Variants in FANCA observed in about 807,000 individuals in gnomAD.
The protein encoded by FANCA is FA complementation group A.
Under a neutral mutation model 194.3 loss-of-function variants are expected in FANCA, and 236 were observed. The ratio of observed to expected loss-of-function variants is 1.21; its 90% CI spans 1.09 to 1.35. The LOEUF is 1.35. Ranked by LOEUF, FANCA falls within the 40% of genes most tolerant of loss-of-function variation. The pLI is 0.00. For missense variants in FANCA, 2,628 were observed against 1,813.9 expected (o/e 1.45, Z -8.15); for synonymous variants, 1,014 against 715.8 (o/e 1.42, Z -6.65).
chr16:89,816,596 G>A lies in FANCA; in HGVS notation c.20C>T (p.Pro7Leu), dbSNP rs772712346. 3 of 1,526,802 alleles carry A rather than the reference G, an allele frequency of 2.0e-6. No homozygotes were observed. The highest frequency in any genetic ancestry group is 2.0e-5 in the Admixed American group (1 of 50,916). The allele number at this position is 1,526,802 out of a possible 1,614,324, so 94.6% of individuals were successfully genotyped here. The stretch of plus-strand genomic sequence containing the variant: ...TGGGTCCTGGCCCGAGGCGGAGTTC[G>A]GGACCCACGAGTCGGACATGGCCTT... MSDSWV[P>L]NSASGQDPGG... Residue 7 changes from proline (P) to leucine (L), a missense_variant, in exon 1 of 43, where the codon CCG (proline) becomes CTG (leucine). Pro to Leu is a moderately conservative substitution (Grantham distance 98, BLOSUM62 -3). Transcript: ENST00000389301.
At chr16:89,813,715 G>A (rs927661637) in intron 3 of FANCA, among the ~76,000 whole-genome samples, 1 of 152,162 alleles carries the variant, frequency 6.6e-6, no homozygotes, top group African/African-American at 2.4e-5. Flanking sequence ...TTATAGGCGT[G>A]AGCCACTGTG....
chr16:89,816,577 C>G lies in FANCA; in HGVS notation c.39G>C (p.Gln13His), dbSNP rs1486155993. 2.2e-5 allele frequency: 34 copies of G among 1,524,578 alleles called. No individual in the cohort carries two copies. The highest frequency in any genetic ancestry group is 2.7e-5 in the Non-Finnish European group (31 of 1,144,138). The allele number at this position is 1,524,578 out of a possible 1,614,324, so 94.4% of individuals were successfully genotyped here. A position where few individuals can be genotyped will look rare whatever the true frequency, so the allele number is the denominator to read the frequency against. Residue 13 changes from glutamine to histidine, a missense_variant, in exon 1 of 43, where the codon CAG (glutamine) becomes CAC (histidine). Gln to His is a conservative substitution (Grantham distance 24). Coordinates refer to ENST00000389301, the MANE Select transcript of FANCA (RefSeq NM_000135.4). ...DSWVPNSASG[Q>H]DPGGRRRAWA... ...AGGCCCTCCGGCGGCCCCCTGGGTC[C>G]TGGCCCGAGGCGGAGTTCGGGACCC...
intron 26 of FANCA, among the ~76,000 whole-genome samples, chr16:89,767,471 G>C (rs985024244): frequency 6.6e-6 from 1 of 152,036 alleles, no homozygotes; most frequent in Non-Finnish European, 1.5e-5. Flanking sequence ...GGGTTCAAGC[G>C]AGTCTCCTGC....
chr16:89,755,923 C>A (rs12597296), intron 30 of FANCA, among the ~76,000 whole-genome samples: 1 of 151,634 alleles, frequency 6.6e-6, no homozygotes, highest in African/African-American at 2.4e-5. Flanking sequence ...GCCCACCGCG[C>A]AGAAACAGAC....
At chr16:89,757,273 G>T (rs2038798497) in intron 30 of FANCA, among the ~76,000 whole-genome samples, 2 of 152,036 alleles carry the variant, frequency 1.3e-5, no homozygotes, top group African/African-American at 2.4e-5. Flanking sequence ...AGGTTGTTTT[G>T]ACCTAAGAGT....
chr16:89,763,049 C>A (rs543512157), intron 28 of FANCA, among the ~76,000 whole-genome samples: 2 of 150,798 alleles, frequency 1.3e-5, no homozygotes, highest in East Asian at 2.0e-4. Context: ...AGATTGAGAC[C>A]ATCCTGGCTA....
intron 38 of FANCA, 155 bp from the exon 39 acceptor site, chr16:89,740,254 C>T: frequency 1.4e-6 from 1 of 715,142 alleles, no homozygotes; most frequent in South Asian, 1.5e-5. Flanking sequence ...TAATACTGGG[C>T]CTCTGGACAG....
At chr16:89,798,599 G>C in intron 10 of FANCA, 1 of 1,146,914 alleles carries the variant, frequency 8.7e-7, no homozygotes, top group Non-Finnish European at 1.1e-6. Context: ...ACCAAACCCC[G>C]ATGTCCACCT....
At chr16:89,787,226 C>G (rs1477104121) in intron 14 of FANCA, among the ~76,000 whole-genome samples, 2 of 152,012 alleles carry the variant, frequency 1.3e-5, no homozygotes, top group African/African-American at 4.8e-5. Context: ...CCCAGGAGGT[C>G]AAGACCAGCC....
chr16:89,782,947 G>A, intron 16 of FANCA, 29 bp from the exon 17 acceptor site: 1 of 1,613,512 alleles, frequency 6.2e-7, no homozygotes, highest in Non-Finnish European at 8.5e-7. Flanking sequence ...ATGAGAACAA[G>A]AAAACAAAGC....
intron 11 of FANCA, 36 bp from the exon 12 acceptor site, chr16:89,792,583 G>C (rs766097555): frequency 6.3e-7 from 1 of 1,592,836 alleles, no homozygotes; most frequent in Non-Finnish European, 8.5e-7. Flanking sequence ...CTTCAAGTCA[G>C]AGATCAAAAA....
At chr16:89,803,525 C>G (rs1244105990) in intron 7 of FANCA, among the ~76,000 whole-genome samples, 184 bp from the exon 8 acceptor site, 3 of 152,168 alleles carry the variant, frequency 2.0e-5, no homozygotes, top group Non-Finnish European at 4.4e-5. Flanking sequence ...CACAGCTACA[C>G]TAGCGTTCAC....
At chr16:89,770,072 G>T (rs2039270003) in intron 25 of FANCA, 48 bp from the exon 26 acceptor site, 1 of 1,597,752 alleles carries the variant, frequency 6.3e-7, no homozygotes, top group Non-Finnish European at 8.5e-7. Flanking sequence ...CTTCCAAGCT[G>T]GAATTTTCCA....
intron 38 of FANCA, 72 bp from the exon 39 acceptor site, chr16:89,740,171 C>T: frequency 6.7e-6 from 8 of 1,201,836 alleles, no homozygotes; most frequent in South Asian, 4.8e-5. Context: ...GTACAGCCCT[C>T]AGCACAGAAG....
intron 3 of FANCA, among the ~76,000 whole-genome samples, chr16:89,812,948 G>C (rs2040956808): frequency 6.7e-6 from 1 of 149,946 alleles, no homozygotes; most frequent in Non-Finnish European, 1.5e-5. Flanking sequence ...CAGGAGAATT[G>C]CTTGAACCCA....
chr16:89,759,692 G>A (rs1031922036), intron 29 of FANCA, among the ~76,000 whole-genome samples: 6 of 152,176 alleles, frequency 3.9e-5, no homozygotes, highest in African/African-American at 1.2e-4. Flanking sequence ...GCTCTGGAGA[G>A]GGAAGCTGCC....
chr16:89,744,850 G>A (rs2143085732), intron 36 of FANCA, 109 bp downstream of exon 36: 1 of 992,260 alleles, frequency 1.0e-6, no homozygotes, highest in Non-Finnish European at 1.5e-6. Flanking sequence ...CACACGAGAG[G>A]CTGCCCACAC....
chr16:89,795,429 G>C (rs928571178), intron 11 of FANCA, among the ~76,000 whole-genome samples: 2 of 152,078 alleles, frequency 1.3e-5, no homozygotes, highest in African/African-American at 2.4e-5. Flanking sequence ...CGAAGGTCAG[G>C]AGTTCGAGGC....
In FANCA at chr16:89,810,969, G is replaced by A. The variant is rs577625130; in HGVS notation, c.386C>T (p.Ala129Val). The A allele has an allele frequency of 2.3e-5, 37 of 1,614,068 alleles. No homozygotes were observed. The highest frequency in any genetic ancestry group is 8.8e-5 in the South Asian group (8 of 91,086). Reference protein sequence around the residue: ...SSVGQICTAPAETSHPVLLTV... With the variant: ...SSVGQICTAPVETSHPVLLTV... The stretch of plus-strand genomic sequence containing the variant: ...CAGCAGCACAGGGTGACTGGTCTCC[G>A]CTGGAGCCGTGCAGATCTGTCCCAC... The change falls in exon 4 of 43, where the codon GCG becomes GTG. Residue 129 changes from alanine (A) to valine (V), a missense_variant. Ala to Val is a moderately conservative substitution (Grantham distance 64, BLOSUM62 0). Transcript: ENST00000389301.
Sources: gnomAD v4.1 joint callset for allele counts (sites outside exome capture counted in the v4.1 genomes callset) on GRCh38, gnomAD v4.1.1 for gene constraint, MANE v1.5 for transcripts, NCBI Gene and HGNC (gene_info 2026-07-23, HGNC 2026-07-21) for gene names.